The following GPC3 variants were observed in gnomAD, a reference collection of about 807,000 sequenced individuals.
GPC3 encodes the protein glypican 3, also known as glypican-3.
GPC3 carries 3 observed loss-of-function variants against 34.4 expected under a neutral mutation model. That is an observed-to-expected ratio of 0.09 (90% CI 0.04 to 0.23). The LOEUF (loss-of-function observed/expected upper bound fraction) is 0.23, where lower values mean the gene tolerates loss of function less well. Ranked by LOEUF, GPC3 falls within the 10% of genes least tolerant of loss-of-function variation. The pLI is 1.00. For synonymous variants in GPC3, 177 were observed against 174.0 expected, an observed-to-expected ratio of 1.02 and a Z score of -0.13; for missense variants, 351 against 445.6, an observed-to-expected ratio of 0.79 and a Z score of 1.91.
chrX:133,899,076 C>A (rs2076132993), intron 2 of GPC3, among the ~76,000 whole-genome samples: 1 of 112,119 alleles, frequency 8.9e-6, no homozygotes, highest in Non-Finnish European at 1.9e-5. Context: ...TGATGCCTGA[C>A]CTTGTTAAGT....
intron 1 of GPC3, among the ~76,000 whole-genome samples, chrX:133,980,567 G>C (rs1251428522): frequency 6.2e-5 from 7 of 112,005 alleles, no homozygotes; most frequent in Non-Finnish European, 1.1e-4. Flanking sequence ...GTAAAAGGAA[G>C]CATTCACAAA....
At chrX:133,982,293 T>C (rs1445747168) in intron 1 of GPC3, among the ~76,000 whole-genome samples, 2 of 112,190 alleles carry the variant, frequency 1.8e-5, no homozygotes, top group Non-Finnish European at 3.8e-5. Flanking sequence ...GTCAGTTATA[T>C]GGATTTTTCT....
At chrX:133,907,706 C>T (rs1334479921) in intron 2 of GPC3, among the ~76,000 whole-genome samples, 1 of 111,084 alleles carries the variant, frequency 9.0e-6, no homozygotes, top group Non-Finnish European at 1.9e-5. Context: ...TGATTGTTTC[C>T]AATTTTTTGT....
At chrX:133,661,560 A>ATCTCTCTTTC (rs1569408535) in intron 6 of GPC3, among the ~76,000 whole-genome samples, 170 bp downstream of exon 6, 14 of 60,683 alleles carry the variant, frequency 2.3e-4, no homozygotes, top group Admixed American at 7.1e-4. Context: ...AGCTGGCTAT[A>ATCTCTCTTTC]TCTCTCTTTC....
chrX:133,760,033 AG>A (rs1347889202), intron 2 of GPC3, among the ~76,000 whole-genome samples: 1 of 112,176 alleles, frequency 8.9e-6, no homozygotes, highest in African/African-American at 3.2e-5. Context: ...AACTAGAAAA[AG>A]ATATTCAATA....
At chrX:133,848,075 A>G (rs2075854965) in intron 2 of GPC3, among the ~76,000 whole-genome samples, 1 of 111,942 alleles carries the variant, frequency 8.9e-6, no homozygotes, top group Non-Finnish European at 1.9e-5. Context: ...TATTTTTCAT[A>G]TTTCTTACAC....
intron 2 of GPC3, among the ~76,000 whole-genome samples, chrX:133,926,731 T>C (rs1279430647): frequency 8.9e-6 from 1 of 111,787 alleles, no homozygotes; most frequent in Non-Finnish European, 1.9e-5. Context: ...TGGCTGACAG[T>C]AACAGAAAAA....
chrX:133,890,860 C>CA (rs35287205), intron 2 of GPC3, among the ~76,000 whole-genome samples: 2,865 of 48,843 alleles, frequency 0.059, 110 homozygotes, highest in African/African-American at 0.13. Context: ...AACTCCATCT[C>CA]AAAAAAAAAA....
chrX:133,788,088 TTA>T (rs56318773), intron 2 of GPC3, among the ~76,000 whole-genome samples: 10,999 of 64,592 alleles, frequency 0.17, 817 homozygotes, highest in Admixed American at 0.3. Context: ...TCATATTATT[TTA>T]TATATATATA....
intron 2 of GPC3, among the ~76,000 whole-genome samples, chrX:133,942,999 C>T (rs1486346596): frequency 1.8e-5 from 2 of 111,458 alleles, no homozygotes; most frequent in African/African-American, 6.5e-5. Context: ...AACCTTAGTC[C>T]CACCTGTGTC....
At chrX:133,864,831 A>G (rs1273022665) in intron 2 of GPC3, among the ~76,000 whole-genome samples, 1 of 112,994 alleles carries the variant, frequency 8.9e-6, no homozygotes, top group East Asian at 2.8e-4. Flanking sequence ...AATGAAACTC[A>G]TATGACAAGT....
chrX:133,762,896 T>A (rs778768582), intron 2 of GPC3: 10 of 545,071 alleles, frequency 1.8e-5, no homozygotes, highest in Non-Finnish European at 3.3e-5. Flanking sequence ...GACTTCCAAA[T>A]GAAACAGTAC....
chrX:133,594,423 T>C (rs1226877455), intron 7 of GPC3, among the ~76,000 whole-genome samples: 1 of 112,027 alleles, frequency 8.9e-6, no homozygotes, highest in East Asian at 2.8e-4. Flanking sequence ...TTAAAGAATG[T>C]TCATTGTAGG....
chrX:133,954,968 C>T (rs2076410544), intron 1 of GPC3, among the ~76,000 whole-genome samples: 2 of 109,957 alleles, frequency 1.8e-5, no homozygotes, highest in East Asian at 2.9e-4. Context: ...AGGCTGGTCT[C>T]GAACTCCTGC....
At chrX:133,963,866 A>G (rs1208987177) in intron 1 of GPC3, among the ~76,000 whole-genome samples, 2 of 111,875 alleles carry the variant, frequency 1.8e-5, no homozygotes, top group Non-Finnish European at 3.8e-5. Flanking sequence ...ATTAGTCAAC[A>G]ATGACAGCCT....
At chrX:133,820,955 T>C (rs2075716076) in intron 2 of GPC3, among the ~76,000 whole-genome samples, 1 of 111,761 alleles carries the variant, frequency 8.9e-6, no homozygotes, top group South Asian at 3.7e-4. Flanking sequence ...TGAGGAAACA[T>C]ATGCCAGAAA....
At chrX:133,782,658 T>C (rs1488527030) in intron 2 of GPC3, among the ~76,000 whole-genome samples, 4 of 111,962 alleles carry the variant, frequency 3.6e-5, no homozygotes, top group Admixed American at 9.5e-5. Flanking sequence ...TCTCTTTATA[T>C]ATGGCTGCCT....
intron 5 of GPC3, among the ~76,000 whole-genome samples, chrX:133,685,071 C>T (rs1673064763): frequency 9.0e-6 from 1 of 110,897 alleles, no homozygotes; most frequent in Non-Finnish European, 1.9e-5. Context: ...GTAACAAAAA[C>T]CCACTTGTAC....
intron 5 of GPC3, among the ~76,000 whole-genome samples, chrX:133,685,981 T>C (rs1056983061): frequency 4.5e-5 from 5 of 111,439 alleles, no homozygotes; most frequent in African/African-American, 1.6e-4. Flanking sequence ...GCTAGGCCCA[T>C]CTGGCCCAGC....
Sources: gnomAD v4.1 joint callset for allele counts (sites outside exome capture counted in the v4.1 genomes callset) on GRCh38, gnomAD v4.1.1 for gene constraint, MANE v1.5 for transcripts, NCBI Gene and HGNC (gene_info 2026-07-23, HGNC 2026-07-21) for gene names.